The following ENAH variants were observed in gnomAD, a reference collection of about 807,000 sequenced individuals.
ENAH encodes the protein protein enabled homolog.
In ENAH, 23 loss-of-function variants were observed where a neutral mutation model predicts 78.7. That is an observed-to-expected ratio of 0.29 (90% CI 0.21 to 0.41). ENAH has a LOEUF of 0.41. ENAH is among the 10% of genes least tolerant of loss of function. ENAH has a pLI of 1.00. For missense variants in ENAH, 544 were observed against 691.0 expected (o/e 0.79, Z 2.39); for synonymous variants, 226 against 241.0 (o/e 0.94, Z 0.58).
At position 225,494,353 on chromosome 1, in the gene ENAH, A is replaced by G. The variant is rs942652618; in HGVS notation, c.*3422T>C. On this transcript the variant is annotated 3_prime_UTR_variant, in exon 14 of 14. Coordinates refer to ENST00000366843, the MANE Select transcript of ENAH (RefSeq NM_018212.6). ...TAAGAAATCAGCATCATGTATAAACACTATACATATTTTGCTATACTTAAA... is the reference window on the plus strand; with the variant it reads ...TAAGAAATCAGCATCATGTATAAACGCTATACATATTTTGCTATACTTAAA... 6.6e-6 allele frequency: 1 copy of G among 152,176 alleles called. No individual in the cohort carries two copies. The highest frequency in any genetic ancestry group is 2.1e-4 in the South Asian group (1 of 4,834). The allele number at this position is 152,176 out of a possible 1,614,324, so 9.4% of individuals were successfully genotyped here. A position where few individuals can be genotyped will look rare whatever the true frequency, so the allele number is the denominator to read the frequency against.
intron 1 of ENAH, among the ~76,000 whole-genome samples, chr1:225,613,671 A>G (rs1448344957): frequency 6.6e-6 from 1 of 152,190 alleles, no homozygotes; most frequent in African/African-American, 2.4e-5. Flanking sequence ...AAAAATAACT[A>G]ATTATAAACT....
intron 4 of ENAH, among the ~76,000 whole-genome samples, chr1:225,529,576 T>C (rs1263828020): frequency 2.0e-5 from 3 of 152,188 alleles, no homozygotes; most frequent in Non-Finnish European, 4.4e-5. Flanking sequence ...GTCATGTTTA[T>C]TGTCTGATGA....
At chr1:225,601,619 A>C (rs577149708) in intron 1 of ENAH, among the ~76,000 whole-genome samples, 1 of 152,166 alleles carries the variant, frequency 6.6e-6, no homozygotes, top group Non-Finnish European at 1.5e-5. Flanking sequence ...GGTCAAAGAA[A>C]TACATCCCAA....
At position 225,555,095 on chromosome 1, in the gene ENAH, T is replaced by C; in HGVS notation, c.172-12A>G. On this transcript the variant is annotated splice_polypyrimidine_tract_variant and intron_variant, in intron 2 of 13. Transcript: ENST00000366843. Reference sequence around the variant, plus strand: ...CAGTTTATCACGACCTAAAAAATAATAATTCTTTATAAAGTCAAACCAATA... The same window carrying C: ...CAGTTTATCACGACCTAAAAAATAACAATTCTTTATAAAGTCAAACCAATA... 2 of 1,506,334 alleles carry C rather than the reference T, an allele frequency of 1.3e-6. No homozygotes were observed. Among genetic ancestry groups the C allele is most frequent in the Non-Finnish European group, 1.8e-6 (2 of 1,107,552 alleles). 93.3% of individuals were successfully genotyped at this position (1,506,334 alleles called of 1,614,324 possible). A position where few individuals can be genotyped will look rare whatever the true frequency, so the allele number is the denominator to read the frequency against.
chr1:225,652,354 C>A (rs1663175993), intron 1 of ENAH: 1 of 985,408 alleles, frequency 1.0e-6, no homozygotes, highest in Non-Finnish European at 1.2e-6. Flanking sequence ...GATTCTCGAA[C>A]CCCTCCCCAT....
rs1575896537 is a variant in ENAH at position 225,652,935 on chromosome 1, G to A, written c.-245C>T. On this transcript the variant is annotated 5_prime_UTR_variant, in exon 1 of 14. Coordinates refer to ENST00000366843, the MANE Select transcript of ENAH (RefSeq NM_018212.6). Reference sequence around the variant, plus strand: ...GGCGGAGAGGCCGAGGCGCGGAGCTGGTCCCCAGGCGGCCGCCGCCTCCCA... The same window carrying A: ...GGCGGAGAGGCCGAGGCGCGGAGCTAGTCCCCAGGCGGCCGCCGCCTCCCA... The A allele has an allele frequency of 1.3e-5, 5 of 384,934 alleles. No homozygotes were observed. The highest frequency in any genetic ancestry group is 3.7e-5 in the East Asian group (1 of 27,132). 23.8% of individuals were successfully genotyped at this position (384,934 alleles called of 1,614,324 possible).
At chr1:225,535,868 G>T (rs985674421) in intron 3 of ENAH, among the ~76,000 whole-genome samples, 1 of 151,976 alleles carries the variant, frequency 6.6e-6, no homozygotes, top group Non-Finnish European at 1.5e-5. Flanking sequence ...AGCATTTTAG[G>T]GTTATATATT....
intron 1 of ENAH, among the ~76,000 whole-genome samples, chr1:225,597,918 G>C (rs1373014469): frequency 6.6e-6 from 1 of 151,092 alleles, no homozygotes; most frequent in Non-Finnish European, 1.5e-5. Flanking sequence ...GACATTTTAA[G>C]AGTTTCTCTC....
At position 225,653,123 on chromosome 1, in the gene ENAH, C is replaced by A; in HGVS notation, c.-433G>T. The A allele has an allele frequency of 6.6e-6, 1 of 151,644 alleles. No individual in the cohort carries two copies. The highest frequency in any genetic ancestry group is 2.0e-4 in the South Asian group (1 of 5,048). 9.4% of individuals were successfully genotyped at this position (151,644 alleles called of 1,614,324 possible). ...GCTGCTGCAGCCGCGGGAGGAGAGT[C>A]GGGATCGCCGCGAGGAACCCGGGAG... On this transcript the variant is annotated 5_prime_UTR_variant, in exon 1 of 14. Coordinates refer to ENST00000366843, the MANE Select transcript of ENAH (RefSeq NM_018212.6). This position sits in a 1 kb window ranked among gnomAD's most constrained non-coding sequence, Gnocchi z 4.3.
intron 11 of ENAH, chr1:225,504,977 C>A: frequency 6.2e-7 from 1 of 1,604,486 alleles, no homozygotes; most frequent in Non-Finnish European, 8.5e-7. Flanking sequence ...CACAACGTCA[C>A]AGCAGGATGA....
At chr1:225,517,108 A>T in intron 6 of ENAH, 88 bp downstream of exon 6, 4 of 1,153,170 alleles carry the variant, frequency 3.5e-6, no homozygotes, top group Non-Finnish European at 4.8e-6. Context: ...GATCAAAACC[A>T]TCCTACCCAT....
chr1:225,635,956 CA>C (rs1439478798), intron 1 of ENAH, among the ~76,000 whole-genome samples: 2 of 152,190 alleles, frequency 1.3e-5, no homozygotes, highest in Non-Finnish European at 2.9e-5. Context: ...ACTTGCTCTG[CA>C]AATTTCAGAC....
intron 3 of ENAH, among the ~76,000 whole-genome samples, chr1:225,548,450 CAAAACT>C (rs1322072701): frequency 6.6e-6 from 1 of 152,204 alleles, no homozygotes; most frequent in Non-Finnish European, 1.5e-5. Flanking sequence ...CTTAAAAACA[CAAAACT>C]AAAAGTAAAT....
At chr1:225,545,678 G>A (rs951428074) in intron 3 of ENAH, among the ~76,000 whole-genome samples, 6 of 152,064 alleles carry the variant, frequency 3.9e-5, no homozygotes, top group African/African-American at 1.4e-4. Context: ...TCAGTGTGCT[G>A]TGGCATGCTG....
At chr1:225,608,815 CAAAAA>C (rs928281132) in intron 1 of ENAH, among the ~76,000 whole-genome samples, 14 of 20,666 alleles carry the variant, frequency 6.8e-4, no homozygotes, top group African/African-American at 1.6e-3. Flanking sequence ...GACTCTGTCT[CAAAAA>C]AAAAAAAAAA....
intron 1 of ENAH, among the ~76,000 whole-genome samples, chr1:225,624,636 C>CAAATAAAT (rs57242435): frequency 1.3e-5 from 2 of 150,248 alleles, no homozygotes; most frequent in African/African-American, 4.9e-5. Flanking sequence ...AATCAATCAA[C>CAAATAAAT]AAATAAATAA....
At chr1:225,596,678 A>T (rs554258387) in intron 1 of ENAH, among the ~76,000 whole-genome samples, 1 of 152,346 alleles carries the variant, frequency 6.6e-6, no homozygotes, top group African/African-American at 2.4e-5. Flanking sequence ...CATTGCTCTA[A>T]ATCCATTGTA....
At chr1:225,597,239 A>G (rs1031817539) in intron 1 of ENAH, among the ~76,000 whole-genome samples, 1 of 152,356 alleles carries the variant, frequency 6.6e-6, no homozygotes, top group East Asian at 1.9e-4. Flanking sequence ...ATGTTTCATA[A>G]TGGTAGTGCC....
At position 225,508,021 on chromosome 1, in the gene ENAH, T is replaced by C. The variant is rs1167156479; in HGVS notation, c.1472-4A>G. The C allele has an allele frequency of 6.5e-7, 1 of 1,535,592 alleles. No individual in the cohort carries two copies. Among genetic ancestry groups the C allele is most frequent in the Middle Eastern group, 2.2e-4 (1 of 4,628 alleles). ...TCCCAAGGTTTTCTTGTTGGTTCTT[T>C]AAAAATAAAAAACAAAAGCTATTAA... is the stretch of plus-strand genomic sequence containing the variant. On this transcript the variant is annotated splice_region_variant and splice_polypyrimidine_tract_variant and intron_variant, in intron 10 of 13. Coordinates refer to ENST00000366843, the MANE Select transcript of ENAH (RefSeq NM_018212.6).
Sources: gnomAD v4.1 joint callset for allele counts (sites outside exome capture counted in the v4.1 genomes callset) on GRCh38, gnomAD v4.1.1 for gene constraint, Gnocchi (gnomAD v3.1) non-coding constraint, MANE v1.5 for transcripts, NCBI Gene and HGNC (gene_info 2026-07-23, HGNC 2026-07-21) for gene names.